Variants in DIP2C observed in about 807,000 individuals in gnomAD.
DIP2C encodes the protein DIP2 acetate--CoA ligase C (putative).
DIP2C carries 33 observed loss-of-function variants against 192.4 expected under a neutral mutation model. The ratio of observed to expected loss-of-function variants is 0.17; its 90% confidence interval spans 0.13 to 0.23. The LOEUF (loss-of-function observed/expected upper bound fraction) is 0.23, where lower values mean the gene tolerates loss of function less well. Among genes scored for constraint, DIP2C ranks in the 10% least tolerant of loss-of-function variants. The pLI, the probability that DIP2C is intolerant of heterozygous loss-of-function variation, is 1.00. For missense variants in DIP2C, 1,537 were observed against 2,110.1 expected (o/e 0.73, Z 5.32); for synonymous variants, 979 against 864.1 (o/e 1.13, Z -2.33).
intron 1 of DIP2C, among the ~76,000 whole-genome samples, chr10:513,004 A>ACG (rs975731127): frequency 6.6e-6 from 1 of 151,836 alleles, no homozygotes; most frequent in Non-Finnish European, 1.5e-5. Flanking sequence ...TATACATCTC[A>ACG]CGCACACATC....
At chr10:335,668 C>T (rs1019219562) in intron 29 of DIP2C, among the ~76,000 whole-genome samples, 7 of 152,232 alleles carry the variant, frequency 4.6e-5, no homozygotes, top group Admixed American at 2.6e-4. Context: ...GCAGGAGTAT[C>T]GCGGATGCGG....
At chr10:400,634 T>C (rs930238153) in intron 9 of DIP2C, among the ~76,000 whole-genome samples, 8 of 151,786 alleles carry the variant, frequency 5.3e-5, no homozygotes, top group African/African-American at 1.7e-4. Context: ...CCTGTGATTT[T>C]ACATGTGGGG....
intron 31 of DIP2C, chr10:311,569 ACAG>A (rs1564538391): frequency 1.6e-6 from 2 of 1,232,566 alleles, no homozygotes; most frequent in Non-Finnish European, 1.0e-6. Flanking sequence ...CTGTGAGGCT[ACAG>A]CAGCAGAAGG....
intron 5 of DIP2C, among the ~76,000 whole-genome samples, chr10:422,224 C>T (rs1440865469): frequency 3.3e-5 from 5 of 152,192 alleles, no homozygotes; most frequent in Non-Finnish European, 4.4e-5. Flanking sequence ...ACTACTGAAC[C>T]GTTCAAAGGC....
intron 4 of DIP2C, among the ~76,000 whole-genome samples, chr10:423,522 GGTGT>G (rs998673197): frequency 7.2e-5 from 11 of 152,074 alleles, no homozygotes; most frequent in Non-Finnish European, 4.4e-5. Context: ...TTTCTATGTC[GGTGT>G]GTGTGTTAGA....
chr10:685,162 ATAT>A (rs1329843046), intron 1 of DIP2C, among the ~76,000 whole-genome samples: 2 of 16,750 alleles, frequency 1.2e-4, no homozygotes, highest in African/African-American at 3.6e-4. Flanking sequence ...AAAAAAAAAA[ATAT>A]ATATATATAT....
chr10:588,458 G>C (rs984298309), intron 1 of DIP2C, among the ~76,000 whole-genome samples: 1 of 152,372 alleles, frequency 6.6e-6, no homozygotes, highest in African/African-American at 2.4e-5. Context: ...ACTGGGTGAG[G>C]TGAGCACTCA....
chr10:339,095 C>T (rs1480938308), intron 29 of DIP2C, among the ~76,000 whole-genome samples: 1 of 152,116 alleles, frequency 6.6e-6, no homozygotes, highest in Non-Finnish European at 1.5e-5. Flanking sequence ...AGCCTGAGGT[C>T]GAGGCGTCCT....
At chr10:306,646 T>C (rs1040662506) in intron 32 of DIP2C, among the ~76,000 whole-genome samples, 1 of 152,206 alleles carries the variant, frequency 6.6e-6, no homozygotes, top group African/African-American at 2.4e-5. Flanking sequence ...TCAGTGCTTT[T>C]AGTGGCTCTC....
chr10:458,487 G>A (rs78558483), intron 3 of DIP2C, among the ~76,000 whole-genome samples: 5,532 of 129,708 alleles, frequency 0.043, 189 homozygotes, highest in African/African-American at 0.1. Flanking sequence ...CCGGCAGCGC[G>A]TGACAGAGTG....
At chr10:540,652 C>T (rs896542765) in intron 1 of DIP2C, among the ~76,000 whole-genome samples, 51 of 152,172 alleles carry the variant, frequency 3.4e-4, no homozygotes, top group South Asian at 2.1e-4. Flanking sequence ...ACAGTGTGAA[C>T]GCACTTAATG....
chr10:647,163 A>C (rs1243392724), intron 1 of DIP2C, among the ~76,000 whole-genome samples: 1 of 151,840 alleles, frequency 6.6e-6, no homozygotes, highest in African/African-American at 2.4e-5. Context: ...AACTGAGTCC[A>C]CATCCACATT....
intron 1 of DIP2C, among the ~76,000 whole-genome samples, chr10:595,778 GA>G (rs1332994083): frequency 2.6e-5 from 4 of 151,992 alleles, no homozygotes; most frequent in Admixed American, 1.3e-4. Flanking sequence ...GTTTGGTTGG[GA>G]AAAAAAATTA....
At chr10:511,121 A>G (rs1378369320) in intron 1 of DIP2C, among the ~76,000 whole-genome samples, 1 of 152,234 alleles carries the variant, frequency 6.6e-6, no homozygotes, top group African/African-American at 2.4e-5. Context: ...TGTTTCTGGA[A>G]CAAAAGCCTT....
At chr10:513,487 C>T (rs532297979) in intron 1 of DIP2C, among the ~76,000 whole-genome samples, 51 of 152,304 alleles carry the variant, frequency 3.3e-4, no homozygotes, top group Admixed American at 1.2e-3. Flanking sequence ...TCCTCCACCG[C>T]GCCACACCAC....
Position 408,938 on chromosome 10 carries a change from C to A in DIP2C, c.1137G>T (p.Arg379=), listed in dbSNP as rs976929302. The change falls in exon 9 of 37, where the codon CGG becomes CGT. Residue 379 remains arginine (R), a synonymous_variant. Transcript: ENST00000280886. ...KLGTKQEPMV[R]PGDRVALVFP... is the part of the protein sequence containing the mutation. ...AAGTTGCACTTACCCTATCTCCAGG[C>A]CGGACCATGGGTTCCTGCTTTGTGC... 5.0e-6 allele frequency: 8 copies of A among 1,614,112 alleles called. No individual in the cohort carries two copies. The highest frequency in any genetic ancestry group is 6.8e-6 in the Non-Finnish European group (8 of 1,180,052).
At chr10:347,835 G>A (rs1958580822) in intron 26 of DIP2C, among the ~76,000 whole-genome samples, 1 of 107,868 alleles carries the variant, frequency 9.3e-6, no homozygotes, top group Admixed American at 9.5e-5. Context: ...TAGCTCTCCT[G>A]GAAACCCCAC....
At chr10:519,287 C>G (rs938896676) in intron 1 of DIP2C, among the ~76,000 whole-genome samples, 1 of 152,220 alleles carries the variant, frequency 6.6e-6, no homozygotes. Flanking sequence ...TGTAAGGGGA[C>G]AGGGGAGCCC....
intron 1 of DIP2C, among the ~76,000 whole-genome samples, chr10:673,017 A>C (rs1830723387): frequency 6.6e-6 from 1 of 152,228 alleles, no homozygotes; most frequent in South Asian, 2.1e-4. Flanking sequence ...TTCCCAGCTA[A>C]GGAAATGTGC....
Sources: allele counts gnomAD v4.1 joint callset (sites outside exome capture counted in the v4.1 genomes callset), GRCh38; gene constraint gnomAD v4.1.1; transcripts MANE v1.5; gene names NCBI Gene and HGNC (gene_info 2026-07-23, HGNC 2026-07-21).